The following MAPK9 variants were observed in gnomAD, a reference collection of about 807,000 sequenced individuals.
MAPK9 encodes mitogen-activated protein kinase 9.
Under a neutral mutation model 57.1 loss-of-function variants are expected in MAPK9, and 30 were observed. The ratio of observed to expected loss-of-function variants is 0.53; its 90% confidence interval spans 0.39 to 0.71. The LOEUF is 0.71. Among genes scored for constraint, MAPK9 ranks in the 30% least tolerant of loss-of-function variants. The pLI is 0.00. For missense variants in MAPK9, 362 were observed against 521.0 expected (o/e 0.69, Z 2.97); for synonymous variants, 155 against 177.0 (o/e 0.88, Z 0.99).
chr5:180,235,604 AAAAGAGAT>A lies in MAPK9; in HGVS notation c.*772_*779del, dbSNP rs1757117728. 1.3e-5 allele frequency: 2 copies of A among 152,226 alleles called. No homozygotes were observed. Among genetic ancestry groups the A allele is most frequent in the East Asian group, 3.8e-4 (2 of 5,202 alleles). 9.4% of individuals were successfully genotyped at this position (152,226 alleles called of 1,614,324 possible). On this transcript the variant is annotated 3_prime_UTR_variant, in exon 12 of 12. Transcript: ENST00000452135. Reference sequence around the variant, plus strand: ...ATAAGAAGTCTAGAAGACCAAGAAGAAAAGAGATAAGGTAGCTAGGATTTCAAGCAGCA... The same window carrying A: ...ATAAGAAGTCTAGAAGACCAAGAAGAAAGGTAGCTAGGATTTCAAGCAGCA...
intron 7 of MAPK9, among the ~76,000 whole-genome samples, chr5:180,244,216 G>A (rs1757890620): frequency 6.6e-6 from 1 of 151,942 alleles, no homozygotes; most frequent in Non-Finnish European, 1.5e-5. Flanking sequence ...CACCCACCCA[G>A]CATCTGTGTG....
chr5:180,268,331 G>A (rs1760888776), intron 3 of MAPK9, among the ~76,000 whole-genome samples: 2 of 152,150 alleles, frequency 1.3e-5, no homozygotes, highest in Middle Eastern at 3.2e-3. Flanking sequence ...TGAAACTGGT[G>A]TGTCATATAC....
chr5:180,255,677 C>T (rs1167698322), intron 5 of MAPK9, among the ~76,000 whole-genome samples: 5 of 152,096 alleles, frequency 3.3e-5, no homozygotes, highest in African/African-American at 9.7e-5. Flanking sequence ...GATGACGCAA[C>T]GAGCCAAACA....
chr5:180,261,695 T>C lies in MAPK9; in HGVS notation c.439A>G (p.Ile147Val), dbSNP rs1301889358. The change falls in exon 5 of 12, where the codon ATA becomes GTA. Residue 147 changes from isoleucine to valine, a missense_variant. Transcript: ENST00000452135. ...CGIKHLHSAG[I>V]IHRDLKPSNI... is the part of the protein sequence containing the mutation. ...ACATCACCACTTACTCTATGAATTA[T>C]ACCAGCTGAATGCAGATGTTTAATA... 1.9e-6 allele frequency: 3 copies of C among 1,610,462 alleles called. No individual in the cohort carries two copies. The highest frequency in any genetic ancestry group is 2.7e-5 in the African/African-American group (2 of 74,814).
intron 5 of MAPK9, among the ~76,000 whole-genome samples, chr5:180,251,347 G>A (rs565424651): frequency 6.6e-6 from 1 of 152,328 alleles, no homozygotes; most frequent in East Asian, 1.9e-4. Flanking sequence ...AGACGCAGCA[G>A]TGGAACCATC....
chr5:180,290,563 G>C (rs1228020859), intron 1 of MAPK9, among the ~76,000 whole-genome samples: 1 of 152,240 alleles, frequency 6.6e-6, no homozygotes, highest in Non-Finnish European at 1.5e-5. Flanking sequence ...TTCAGTAAAT[G>C]TCTCTTGTAT....
chr5:180,248,898 AAG>A (rs1436525047), intron 6 of MAPK9, 73 bp downstream of exon 6: 1 of 1,489,082 alleles, frequency 6.7e-7, no homozygotes, highest in African/African-American at 1.4e-5. Flanking sequence ...GTTCAAAGGA[AAG>A]AGAAAAAACT....
intron 8 of MAPK9, 64 bp downstream of exon 8, chr5:180,242,509 A>G: frequency 2.1e-6 from 3 of 1,449,344 alleles, no homozygotes; most frequent in Non-Finnish European, 2.8e-6. Context: ...GAATACAAAC[A>G]TGAAAGAGTG....
chr5:180,265,119 T>C (rs1760391996), intron 3 of MAPK9, among the ~76,000 whole-genome samples: 1 of 152,246 alleles, frequency 6.6e-6, no homozygotes, highest in African/African-American at 2.4e-5. Flanking sequence ...AAGTAGAATT[T>C]ACAGGTAAAA....
chr5:180,238,990 G>A (rs144772681), intron 10 of MAPK9, among the ~76,000 whole-genome samples: 5 of 152,280 alleles, frequency 3.3e-5, no homozygotes, highest in African/African-American at 1.2e-4. Context: ...GCTTTATGAA[G>A]TGGAGTGGCT....
At chr5:180,248,342 A>G (rs1238525102) in intron 6 of MAPK9, among the ~76,000 whole-genome samples, 1 of 152,270 alleles carries the variant, frequency 6.6e-6, no homozygotes, top group Non-Finnish European at 1.5e-5. Flanking sequence ...GCTACAACGC[A>G]GCAAGATGAA....
At chr5:180,278,980 C>T (rs1167328220) in intron 2 of MAPK9, among the ~76,000 whole-genome samples, 16 of 141,336 alleles carry the variant, frequency 1.1e-4, no homozygotes, top group South Asian at 4.5e-4. Context: ...TTTTTTGAGA[C>T]GGAGTCTTGC....
At chr5:180,238,819 G>C (rs938081759) in intron 10 of MAPK9, among the ~76,000 whole-genome samples, 2 of 152,114 alleles carry the variant, frequency 1.3e-5, no homozygotes, top group Non-Finnish European at 2.9e-5. Context: ...ATGTTGGCTA[G>C]GCTTGTCTTG....
intron 1 of MAPK9, among the ~76,000 whole-genome samples, chr5:180,281,318 T>C (rs1341250552): frequency 6.6e-6 from 1 of 152,242 alleles, no homozygotes; most frequent in Non-Finnish European, 1.5e-5. Context: ...CTAGGAAGTC[T>C]ATCCACTATG....
At position 180,246,338 on chromosome 5, in the gene MAPK9, CATATT is replaced by C. The variant is rs534249233; in HGVS notation, c.688+1096_688+1100del. ...TAGTAGAACAAATAAAATAACTTGA[CATATT>C]ATATAATCTATGATATAGAAAATGT... On this transcript the variant is annotated intron_variant, in intron 7 of 11. Transcript: ENST00000452135. The C allele has an allele frequency of 3.0e-4, 45 of 152,068 alleles. No individual in the cohort carries two copies. In the South Asian group the frequency reaches 6.9e-3, roughly 23 times the overall value. The allele number at this position is 152,068 out of a possible 1,614,324, so 9.4% of individuals were successfully genotyped here.
chr5:180,272,283 C>G (rs566191501), intron 2 of MAPK9, among the ~76,000 whole-genome samples: 1 of 152,274 alleles, frequency 6.6e-6, no homozygotes, highest in Admixed American at 6.5e-5. Context: ...TGCTCTGCCC[C>G]CACCCTTGAT....
rs1270383416 is a variant in MAPK9 at position 180,261,797 on chromosome 5, C to T, written c.337G>A (p.Ala113Thr). The change falls in exon 5 of 12, where the codon GCT becomes ACT. Residue 113 changes from alanine to threonine, a missense_variant. Ala to Thr is a moderately conservative substitution (Grantham distance 58, BLOSUM62 0). Coordinates refer to ENST00000452135, the MANE Select transcript of MAPK9 (RefSeq NM_002752.5). ...ATGTGAATAACCTGACATAAGTTAG[C>T]ATCCATTAATTCCATAACCAAATAC... ...DVYLVMELMD[A>T]NLCQVIHMEL... The T allele has an allele frequency of 6.2e-7, 1 of 1,612,022 alleles. No homozygotes were observed. The highest frequency in any genetic ancestry group is 1.1e-5 in the South Asian group (1 of 90,490).
chr5:180,264,654 A>G (rs1760340302), intron 4 of MAPK9, 127 bp downstream of exon 4: 2 of 841,152 alleles, frequency 2.4e-6, no homozygotes, highest in South Asian at 2.0e-5. Context: ...TGCAACAGAG[A>G]AAGTTATCTG....
intron 1 of MAPK9, among the ~76,000 whole-genome samples, chr5:180,286,754 C>T (rs1364702958): frequency 2.0e-5 from 3 of 152,216 alleles, no homozygotes; most frequent in Non-Finnish European, 4.4e-5. Context: ...GAAGCATTCT[C>T]CCAGCCACCA....
Sources: allele counts gnomAD v4.1 joint callset (sites outside exome capture counted in the v4.1 genomes callset), GRCh38; gene constraint gnomAD v4.1.1; transcripts MANE v1.5; gene names NCBI Gene and HGNC (gene_info 2026-07-23, HGNC 2026-07-21).